DNA2: variants seen among roughly 807,000 people sequenced by gnomAD.
DNA2 encodes DNA replication ATP-dependent helicase/nuclease DNA2.
In DNA2, 101 loss-of-function variants were observed where a neutral mutation model predicts 119.1. The ratio of observed to expected loss-of-function variants is 0.85; its 90% confidence interval spans 0.72 to 1.00. The LOEUF (loss-of-function observed/expected upper bound fraction) is 1.00. Ranked by LOEUF, DNA2 falls within the 50% of genes least tolerant of loss-of-function variation. The probability of loss-of-function intolerance (pLI) is 0.00; values close to 1 mark genes in which losing one functional copy is unlikely to be tolerated. For missense variants in DNA2, 1,121 were observed against 1,255.5 expected (o/e 0.89, Z 1.62); for synonymous variants, 366 against 424.4 (o/e 0.86, Z 1.69).
At chr10:68,449,682 G>C (rs991777017) in intron 6 of DNA2, among the ~76,000 whole-genome samples, 10 of 152,132 alleles carry the variant, frequency 6.6e-5, no homozygotes, top group Admixed American at 1.3e-4. Context: ...CCAGCACTTT[G>C]GGAGGCTGAG....
rs201624435 is a variant in DNA2, at chr10:68,442,986, G to A, written c.1346C>T (p.Thr449Ile). The A allele has an allele frequency of 8.7e-6, 14 of 1,612,638 alleles. No homozygotes were observed. The highest frequency in any genetic ancestry group is 1.1e-5 in the South Asian group (1 of 90,714). Residue 449 changes from threonine to isoleucine, a missense_variant, in exon 9 of 21, where the codon ACC becomes ATC. Coordinates refer to ENST00000358410, the MANE Select transcript of DNA2 (RefSeq NM_001080449.3). ...EYFSLWCLML[T>I]LESQSKDNKK... Reference sequence around the variant, plus strand: ...ATTATCCTTCGATTGTGACTCCAGGGTTAACATTAGACACCAAAGGCTGAA... The same window carrying A: ...ATTATCCTTCGATTGTGACTCCAGGATTAACATTAGACACCAAAGGCTGAA...
In DNA2 at chr10:68,418,690, T is replaced by C. The variant is rs2051624671; in HGVS notation, c.2967+344A>G. On this transcript the variant is annotated intron_variant, in intron 19 of 20. Coordinates refer to ENST00000358410, the MANE Select transcript of DNA2 (RefSeq NM_001080449.3). ...CGCAATTTTTTTTTTTTTTTTTTTT[T>C]TGAGACAGAGTCTTGCTCTGTCGCC... Among the ~76,000 whole-genome samples the C allele has an allele frequency of 3.6e-5, 5 of 137,798 alleles. No individual in the cohort carries two copies. In the South Asian group the frequency reaches 1.3e-3, roughly 35 times the overall value. The allele number at this position is 137,798 out of a possible 152,430, so 90.4% of individuals were successfully genotyped here. A position where few individuals can be genotyped will look rare whatever the true frequency, so the allele number is the denominator to read the frequency against.
At position 68,445,102 on chromosome 10, in the gene DNA2, A is replaced by G; in HGVS notation, c.1058-19T>C. 1.3e-6 allele frequency: 2 copies of G among 1,573,758 alleles called. No individual in the cohort carries two copies. The highest frequency in any genetic ancestry group is 1.7e-6 in the Non-Finnish European group (2 of 1,157,130). On this transcript the variant is annotated intron_variant, in intron 7 of 20. Transcript: ENST00000358410. Reference sequence around the variant, plus strand: ...AATAATTCTATGAAAAAAAAGGTGAATGTCTTTTTAAGAGTTAAATAAAGT... The same window carrying G: ...AATAATTCTATGAAAAAAAAGGTGAGTGTCTTTTTAAGAGTTAAATAAAGT...
intron 10 of DNA2, among the ~76,000 whole-genome samples, chr10:68,433,792 A>T (rs2051852433): frequency 6.6e-6 from 1 of 152,128 alleles, no homozygotes; most frequent in Non-Finnish European, 1.5e-5. Flanking sequence ...ACCTGATCTA[A>T]TTACTCTCTT....
chr10:68,451,351 A>T (rs975611731), intron 5 of DNA2, among the ~76,000 whole-genome samples: 1 of 152,128 alleles, frequency 6.6e-6, no homozygotes, highest in East Asian at 1.9e-4. Context: ...TTAATTGGTA[A>T]ATAACCCATG....
At chr10:68,448,899 T>C (rs1564890295) in intron 6 of DNA2, among the ~76,000 whole-genome samples, 2 of 151,802 alleles carry the variant, frequency 1.3e-5, no homozygotes, top group Admixed American at 1.3e-4. Context: ...GCCTCCCGAG[T>C]AGCTGGGACT....
intron 14 of DNA2, among the ~76,000 whole-genome samples, chr10:68,429,111 T>C (rs753212165): frequency 2.8e-4 from 42 of 152,142 alleles, no homozygotes; most frequent in Admixed American, 5.9e-4. Context: ...AAAAATATGC[T>C]AGCATTAGAC....
intron 9 of DNA2, among the ~76,000 whole-genome samples, chr10:68,439,706 C>G: frequency 6.6e-6 from 1 of 151,040 alleles, no homozygotes. Flanking sequence ...GCGTGGTGGC[C>G]CATGCCTGTA....
intron 6 of DNA2, among the ~76,000 whole-genome samples, chr10:68,448,639 C>A (rs1183248742): frequency 6.6e-6 from 1 of 152,016 alleles, no homozygotes; most frequent in Non-Finnish European, 1.5e-5. Flanking sequence ...TCTTGCACTT[C>A]TTGCAAAAAT....
chr10:68,455,514 A>G (rs1388848512), intron 5 of DNA2, among the ~76,000 whole-genome samples: 2 of 151,962 alleles, frequency 1.3e-5, no homozygotes, highest in Non-Finnish European at 2.9e-5. Flanking sequence ...CCACTACAGA[A>G]ATAAAAAATA....
chr10:68,463,875 T>C (rs910516718), intron 4 of DNA2, among the ~76,000 whole-genome samples: 1 of 152,182 alleles, frequency 6.6e-6, no homozygotes, highest in Non-Finnish European at 1.5e-5. Flanking sequence ...CAGAGTTGTG[T>C]CAGCCCTCTG....
At chr10:68,448,035 GT>G (rs1211242373) in intron 6 of DNA2, among the ~76,000 whole-genome samples, 1 of 151,810 alleles carries the variant, frequency 6.6e-6, no homozygotes, top group Non-Finnish European at 1.5e-5. Flanking sequence ...ATGCTTCTCA[GT>G]TTTACTTAGA....
At chr10:68,468,985 G>A (rs1305233542) in intron 2 of DNA2, among the ~76,000 whole-genome samples, 2 of 152,100 alleles carry the variant, frequency 1.3e-5, no homozygotes, top group Non-Finnish European at 2.9e-5. Context: ...AGGAAGCGGA[G>A]GTTGCAGTGA....
At chr10:68,446,192 C>T (rs2052036998) in intron 7 of DNA2, 104 bp downstream of exon 7, 1 of 630,680 alleles carries the variant, frequency 1.6e-6, no homozygotes, top group Non-Finnish European at 2.7e-6. Context: ...CAAATTATAA[C>T]CTATTAAGTG....
In DNA2 at chr10:68,422,707, G is replaced by A. The variant is rs778664121; in HGVS notation, c.2392C>T (p.Arg798Cys). The A allele has an allele frequency of 3.5e-5, 56 of 1,612,444 alleles. No individual in the cohort carries two copies. The highest frequency in any genetic ancestry group is 6.7e-5 in the Admixed American group (4 of 59,714). The change falls in exon 15 of 21, where the codon CGT (arginine) becomes TGT (cysteine). Residue 798 changes from arginine (R) to cysteine (C), a missense_variant. Arg to Cys is a radical substitution (Grantham distance 180). Coordinates refer to ENST00000358410, the MANE Select transcript of DNA2 (RefSeq NM_001080449.3). ...HQQLPPLVLN[R>C]EARALGMSES... ...TAAGTGTCTGCCTACCTTGCTTCAC[G>A]GTTTAGCACCAGGGGAGGAAGCTGC...
intron 19 of DNA2, among the ~76,000 whole-genome samples, chr10:68,417,390 CCAA>C (rs2051603883): frequency 1.1e-4 from 2 of 17,458 alleles, no homozygotes; most frequent in South Asian, 2.1e-3. Flanking sequence ...AATAAGAAAA[CCAA>C]AAAAAAAAAA....
chr10:68,427,324 C>T (rs776222381), intron 14 of DNA2, among the ~76,000 whole-genome samples: 8 of 151,732 alleles, frequency 5.3e-5, no homozygotes, highest in Non-Finnish European at 8.8e-5. Context: ...CACCACTGCA[C>T]TCCAGCCTGG....
At chr10:68,423,904 T>G (rs892846792) in intron 14 of DNA2, among the ~76,000 whole-genome samples, 2 of 152,176 alleles carry the variant, frequency 1.3e-5, no homozygotes, top group East Asian at 3.9e-4. Context: ...ACCATGGCAG[T>G]GTGAGAGGAA....
chr10:68,463,004 C>T lies in DNA2; in HGVS notation c.587+2663G>A, dbSNP rs561445008. Among the ~76,000 whole-genome samples the T allele has an allele frequency of 1.8e-3, 276 of 152,034 alleles. 2 individuals carry two copies. Among genetic ancestry groups the T allele is most frequent in the Non-Finnish European group, 3.3e-3 (227 of 68,012 alleles). On this transcript the variant is annotated intron_variant, in intron 4 of 20. Transcript: ENST00000358410. Reference sequence around the variant, plus strand: ...AAAATTAGCCGGCCATGGTGGCACACGCCTGTAATCCCAGCTAAAGAGAAG... The same window carrying T: ...AAAATTAGCCGGCCATGGTGGCACATGCCTGTAATCCCAGCTAAAGAGAAG...
Sources: gnomAD v4.1 joint callset for allele counts (sites outside exome capture counted in the v4.1 genomes callset) on GRCh38, gnomAD v4.1.1 for gene constraint, MANE v1.5 for transcripts, NCBI Gene and HGNC (gene_info 2026-07-23, HGNC 2026-07-21) for gene names.